DNAH2: variants seen among roughly 807,000 people sequenced by gnomAD.
DNAH2 encodes the protein axonemal beta dynein heavy chain 2.
A neutral mutation model predicts 523.5 loss-of-function variants in DNAH2; 323 were observed. The ratio of observed to expected loss-of-function variants is 0.62; its 90% CI spans 0.56 to 0.68. The LOEUF (loss-of-function observed/expected upper bound fraction) is 0.68, where lower values mean the gene tolerates loss of function less well. DNAH2 is among the 30% of genes least tolerant of loss of function. The probability of loss-of-function intolerance (pLI) is 0.00; values close to 1 mark genes in which losing one functional copy is unlikely to be tolerated. For missense variants in DNAH2, 4,907 were observed against 5,701.5 expected (o/e 0.86, Z 4.49); for synonymous variants, 2,093 against 2,177.4 (o/e 0.96, Z 1.08).
intron 2 of DNAH2, among the ~76,000 whole-genome samples, chr17:7,722,711 C>T (rs1471544089): frequency 6.6e-6 from 1 of 152,194 alleles, no homozygotes; most frequent in Non-Finnish European, 1.5e-5. Context: ...GCATGAACCA[C>T]ACCGCCATGC....
Position 7,737,206 on chromosome 17 carries a change from TC to T in DNAH2, c.1119del (p.Asn374ThrfsTer11). 6.2e-7 allele frequency: 1 copy of T among 1,613,944 alleles called. No individual in the cohort carries two copies. The highest frequency in any genetic ancestry group is 8.5e-7 in the Non-Finnish European group (1 of 1,179,982). On this transcript the variant is annotated frameshift_variant, in exon 8 of 86. Transcript: ENST00000572933. LOFTEE classifies it high-confidence loss of function. Reference protein sequence around the residue: ...KLISLIRIIWVNSPHYNTRER... With the variant: ...KLISLIRIIWXNSPHYNTRER... Reference sequence around the variant, plus strand: ...ATCAGTCTCATCCGCATCATCTGGGTCAACTCTCCCCACTACAACACTCGGG... The same window carrying T: ...ATCAGTCTCATCCGCATCATCTGGGTAACTCTCCCCACTACAACACTCGGG...
rs371057705 is a variant in DNAH2, at chr17:7,780,119, G to C, written c.5723-38G>C. 15 of 1,587,238 alleles carry C rather than the reference G, an allele frequency of 9.5e-6. No individual in the cohort carries two copies. Among genetic ancestry groups the C allele is most frequent in the African/African-American group, 1.4e-5 (1 of 73,414 alleles). ...GTTTGGGGAAGCAAATCAAGATGAG[G>C]AAATATATGATTCTAAGCAAGTGGC... is the stretch of plus-strand genomic sequence containing the variant. On this transcript the variant is annotated intron_variant, in intron 36 of 85. Transcript: ENST00000572933. The surrounding 1 kb of genome is among the most constrained non-coding windows in gnomAD (Gnocchi z 4.4).
At chr17:7,757,414 T>C (rs1378416746) in intron 13 of DNAH2, among the ~76,000 whole-genome samples, 177 bp downstream of exon 13, 1 of 152,042 alleles carries the variant, frequency 6.6e-6, no homozygotes, top group African/African-American at 2.4e-5. Context: ...CTACCCCTTG[T>C]AGTTTTATTT....
Position 7,754,603 on chromosome 17 carries a change from A to T in DNAH2, c.1905-2488A>T, listed in dbSNP as rs945932516. On this transcript the variant is annotated intron_variant, in intron 12 of 85. Transcript: ENST00000572933. This position sits in a 1 kb window ranked among gnomAD's most constrained non-coding sequence, Gnocchi z 4.6. ...ATGAGTCCACGTGCCGAGGCTCTCA[A>T]GGCCCTCGTAAAGCCCAAGGAGGTT... 15 of 1,503,732 alleles carry T rather than the reference A, an allele frequency of 1.0e-5. No individual in the cohort carries two copies. The highest frequency in any genetic ancestry group is 2.7e-5 in the African/African-American group (2 of 73,060). 93.1% of individuals were successfully genotyped at this position (1,503,732 alleles called of 1,614,324 possible).
rs772071707 is a variant in DNAH2 at position 7,818,302 on chromosome 17, G to A, written c.10388-10G>A. ...TGGAGTCCTTGCCCCTGACCCTTCC[G>A]TGGATGCAGGTGGTCGGCTGTTGAT... is the stretch of plus-strand genomic sequence containing the variant. On this transcript the variant is annotated splice_polypyrimidine_tract_variant and intron_variant, in intron 68 of 85. Coordinates refer to ENST00000572933, the MANE Select transcript of DNAH2 (RefSeq NM_020877.5). The A allele has an allele frequency of 2.4e-5, 39 of 1,613,712 alleles. No individual in the cohort carries two copies. Among genetic ancestry groups the A allele is most frequent in the South Asian group, 4.4e-5 (4 of 91,048 alleles).
chr17:7,793,522 TTC>T (rs879365126), intron 48 of DNAH2, among the ~76,000 whole-genome samples: 3,830 of 127,192 alleles, frequency 0.03, 82 homozygotes, highest in Non-Finnish European at 0.047. Flanking sequence ...TTTCTTCTCT[TTC>T]TCTTTCTTTC....
Position 7,797,774 on chromosome 17 carries a change from G to C in DNAH2, c.8175G>C (p.Leu2725=), listed in dbSNP as rs568820089. The C allele has an allele frequency of 6.2e-7, 1 of 1,614,094 alleles. No individual in the cohort carries two copies. Among genetic ancestry groups the C allele is most frequent in the East Asian group, 2.2e-5 (1 of 44,872 alleles). Residue 2725 remains leucine (L), a synonymous_variant, in exon 53 of 86, where the codon CTG becomes CTC. Transcript: ENST00000572933. ...AGACAGCTCTAAATGAGTATAACCT[G>C]TCACCCTCTGTCGTGCCCATGCAGC... ...VMETALNEYN[L]SPSVVPMQLV...
Position 7,766,504 on chromosome 17 carries a change from T to A in DNAH2, c.3675+23T>A, listed in dbSNP as rs1364646366. The A allele has an allele frequency of 6.8e-6, 11 of 1,610,198 alleles. No homozygotes were observed. In the Admixed American group the frequency reaches 1.8e-4, roughly 27 times the overall value. On this transcript the variant is annotated intron_variant, in intron 22 of 85. Coordinates refer to ENST00000572933, the MANE Select transcript of DNAH2 (RefSeq NM_020877.5). ...AAGGTGGTGTGCTGAGCAAGGACCC[T>A]GTGGTCACTGTCGATAAGGGGCAGG...
rs1050262028 is a variant in DNAH2 at position 7,792,441 on chromosome 17, AAGG to A, written c.7145+101_7145+103del. The A allele has an allele frequency of 5.4e-6, 7 of 1,305,182 alleles. No homozygotes were observed. In the African/African-American group the frequency reaches 1.0e-4, roughly 19 times the overall value. 80.9% of individuals were successfully genotyped at this position (1,305,182 alleles called of 1,614,324 possible). A position where few individuals can be genotyped will look rare whatever the true frequency, so the allele number is the denominator to read the frequency against. ...CCTAGAAGCAAAAATGAGCAATAGGAAGGAGAAGGTGGGTCCCAGAGAAGGGCT... is the reference window on the plus strand; with the variant it reads ...CCTAGAAGCAAAAATGAGCAATAGGAAGAAGGTGGGTCCCAGAGAAGGGCT... On this transcript the variant is annotated intron_variant, in intron 46 of 85. Coordinates refer to ENST00000572933, the MANE Select transcript of DNAH2 (RefSeq NM_020877.5).
chr17:7,791,341 G>T (rs762501041), intron 44 of DNAH2, among the ~76,000 whole-genome samples: 4 of 152,096 alleles, frequency 2.6e-5, no homozygotes, highest in Non-Finnish European at 5.9e-5. Flanking sequence ...TAAGTGCTGG[G>T]ATTACAGGCA....
rs1028103478 is a variant in DNAH2, at chr17:7,780,965, G to C, written c.6004-77G>C. The C allele has an allele frequency of 1.2e-6, 2 of 1,606,576 alleles. No homozygotes were observed. The highest frequency in any genetic ancestry group is 2.7e-5 in the African/African-American group (2 of 74,804). On this transcript the variant is annotated intron_variant, in intron 38 of 85. Coordinates refer to ENST00000572933, the MANE Select transcript of DNAH2 (RefSeq NM_020877.5). The surrounding 1 kb of genome is among the most constrained non-coding windows in gnomAD (Gnocchi z 4.4). ...CTGGTGTATCCATTGTTCTTGGCACGTGCCCCGAAGCCCTTTGGAGGTGAA... is the reference window on the plus strand; with the variant it reads ...CTGGTGTATCCATTGTTCTTGGCACCTGCCCCGAAGCCCTTTGGAGGTGAA...
In DNAH2 at chr17:7,821,853, T is replaced by C. The variant is rs1368670545; in HGVS notation, c.11142+484T>C. Reference sequence around the variant, plus strand: ...ACCGACTGGACGCGCTTTAAGTCCATGATCGTGAACCTCAAGGAGGCCCCT... The same window carrying C: ...ACCGACTGGACGCGCTTTAAGTCCACGATCGTGAACCTCAAGGAGGCCCCT... On this transcript the variant is annotated intron_variant, in intron 73 of 85. Coordinates refer to ENST00000572933, the MANE Select transcript of DNAH2 (RefSeq NM_020877.5). This position sits in a 1 kb window ranked among gnomAD's most constrained non-coding sequence, Gnocchi z 5.0. 6.6e-6 allele frequency among the ~76,000 whole-genome samples: 1 copy of C among 152,112 alleles called. No homozygotes were observed. Among genetic ancestry groups the C allele is most frequent in the Non-Finnish European group, 1.5e-5 (1 of 68,024 alleles).
intron 12 of DNAH2, among the ~76,000 whole-genome samples, chr17:7,746,259 G>A (rs1453367817): frequency 6.6e-6 from 1 of 152,198 alleles, no homozygotes; most frequent in East Asian, 1.9e-4. Flanking sequence ...AAAGGATAGA[G>A]AATGAAAAGC....
intron 49 of DNAH2, 27 bp downstream of exon 49, chr17:7,794,385 C>A: frequency 6.3e-7 from 1 of 1,581,636 alleles, no homozygotes; most frequent in Non-Finnish European, 8.6e-7. Flanking sequence ...GGCTGCAGGA[C>A]GAGGGGAGGG....
chr17:7,744,633 G>A (rs988909394), intron 12 of DNAH2, among the ~76,000 whole-genome samples: 6 of 152,236 alleles, frequency 3.9e-5, no homozygotes, highest in Admixed American at 2.0e-4. Flanking sequence ...AAAAGGCTTC[G>A]AGTAGTGAGA....
Position 7,774,276 on chromosome 17 carries a change from G to A in DNAH2, c.4502-483G>A, listed in dbSNP as rs186529277. On this transcript the variant is annotated intron_variant, in intron 28 of 85. Coordinates refer to ENST00000572933, the MANE Select transcript of DNAH2 (RefSeq NM_020877.5). ...CCGAGAGGGCTACTAAGTGACTCAC[G>A]GGCAGGGAACCTCCGCAGCATGGAG... Among the ~76,000 whole-genome samples the A allele has an allele frequency of 7.9e-5, 12 of 152,224 alleles. No individual in the cohort carries two copies. The South Asian group carries it at 1.7e-3, about 21-fold the overall frequency.
Position 7,817,829 on chromosome 17 carries a change from A to G in DNAH2, c.10209A>G (p.Lys3403=). The G allele has an allele frequency of 6.2e-7, 1 of 1,613,932 alleles. No homozygotes were observed. Among genetic ancestry groups the G allele is most frequent in the East Asian group, 2.2e-5 (1 of 44,844 alleles). The change falls in exon 67 of 86, where the codon AAA becomes AAG. Residue 3403 remains lysine, a synonymous_variant. Transcript: ENST00000572933. ...LMIDPQAQAL[K]WIKNMEGGQG... ...TCGACCCTCAGGCCCAGGCCCTGAA[A>G]TGGATTAAGAACATGGAAGGAGGCC... is the stretch of plus-strand genomic sequence containing the variant.
intron 24 of DNAH2, among the ~76,000 whole-genome samples, chr17:7,768,994 T>C (rs2076244923): frequency 6.6e-6 from 1 of 152,212 alleles, no homozygotes; most frequent in African/African-American, 2.4e-5. Context: ...TTGCAAATAG[T>C]GCTCAGCGAA....
In DNAH2 at chr17:7,821,264, C is replaced by T. The variant is rs768204339; in HGVS notation, c.11037C>T (p.Phe3679=). The part of the protein sequence containing the change: ...AVYRYTCRTL[F]ERHKLLFSFH... Reference sequence around the variant, plus strand: ...CCAGGTACACCTGCCGTACCCTTTTCGAACGCCACAAACTACTATTCAGTT... The same window carrying T: ...CCAGGTACACCTGCCGTACCCTTTTTGAACGCCACAAACTACTATTCAGTT... Residue 3679 remains phenylalanine (F), a synonymous_variant, in exon 73 of 86, where the codon TTC becomes TTT. Coordinates refer to ENST00000572933, the MANE Select transcript of DNAH2 (RefSeq NM_020877.5). This position sits in a 1 kb window ranked among gnomAD's most constrained non-coding sequence, Gnocchi z 5.0. 1.9e-5 allele frequency: 30 copies of T among 1,613,660 alleles called. No homozygotes were observed. Among genetic ancestry groups the T allele is most frequent in the Middle Eastern group, 1.7e-4 (1 of 6,058 alleles).
Sources: gnomAD v4.1 joint callset for allele counts (sites outside exome capture counted in the v4.1 genomes callset) on GRCh38, gnomAD v4.1.1 for gene constraint, Gnocchi (gnomAD v3.1) non-coding constraint, MANE v1.5 for transcripts, NCBI Gene and HGNC (gene_info 2026-07-23, HGNC 2026-07-21) for gene names.